DYNC2H1: variants seen among roughly 807,000 people sequenced by gnomAD.
DYNC2H1 encodes cytoplasmic dynein 2 heavy chain 1.
In DYNC2H1, 410 loss-of-function variants were observed where a neutral mutation model predicts 570.0. That is an observed-to-expected ratio of 0.72 (90% confidence interval 0.66 to 0.78). The LOEUF is 0.78. DYNC2H1 is among the 30% of genes least tolerant of loss of function. DYNC2H1 has a pLI of 0.00. For synonymous variants in DYNC2H1, 1,688 were observed against 1,677.6 expected, an observed-to-expected ratio of 1.01 and a Z score of -0.15; for missense variants, 4,865 against 5,046.4, an observed-to-expected ratio of 0.96 and a Z score of 1.09.
intron 30 of DYNC2H1, among the ~76,000 whole-genome samples, chr11:103,164,234 A>G (rs1027151662): frequency 3.3e-5 from 5 of 152,158 alleles, no homozygotes; most frequent in African/African-American, 9.7e-5. Context: ...GGAAATGACA[A>G]TTGTGTTGGG....
Position 103,187,542 on chromosome 11 carries a change from C to G in DYNC2H1, c.7096C>G (p.Leu2366Val), listed in dbSNP as rs781537391. 6.2e-7 allele frequency: 1 copy of G among 1,613,184 alleles called. No homozygotes were observed. Among genetic ancestry groups the G allele is most frequent in the Admixed American group, 1.7e-5 (1 of 59,910 alleles). Residue 2366 changes from leucine to valine, a missense_variant, in exon 43 of 89, where the codon CTT becomes GTT. This residue lies in a region of DYNC2H1 where 2,401 missense variants were observed against 2,454.6 expected (regional missense o/e 0.98). Coordinates refer to ENST00000375735, the MANE Select transcript of DYNC2H1 (RefSeq NM_001377.3). ...LYLKDINLPK[L>V]DKWGTSTLVA... ...CTTAAAAGATATCAACCTACCTAAACTTGATAAATGGGGGACCAGTACTTT... is the reference window on the plus strand; with the variant it reads ...CTTAAAAGATATCAACCTACCTAAAGTTGATAAATGGGGGACCAGTACTTT...
At position 103,239,545 on chromosome 11, in the gene DYNC2H1, G is replaced by C. The variant is rs1342407099; in HGVS notation, c.9819+3006G>C. 6.6e-6 allele frequency among the ~76,000 whole-genome samples: 1 copy of C among 151,990 alleles called. No individual in the cohort carries two copies. Among genetic ancestry groups the C allele is most frequent in the East Asian group, 1.9e-4 (1 of 5,182 alleles). ...TAGATAAGGACATTGAGGCACAGAA[G>C]AGTTAATTCACTTGTCTAAGGTCAC... On this transcript the variant is annotated intron_variant, in intron 63 of 88. Transcript: ENST00000375735. The surrounding 1 kb of genome is among the most constrained non-coding windows in gnomAD (Gnocchi z 4.3).
chr11:103,207,141 G>A (rs1465794021), intron 52 of DYNC2H1, among the ~76,000 whole-genome samples: 2 of 151,254 alleles, frequency 1.3e-5, no homozygotes, highest in East Asian at 2.0e-4. Flanking sequence ...GGCTGGTCTC[G>A]AGCTCCTGAC....
intron 75 of DYNC2H1, among the ~76,000 whole-genome samples, chr11:103,294,734 T>C (rs965177767): frequency 6.6e-6 from 1 of 151,702 alleles, no homozygotes; most frequent in Non-Finnish European, 1.5e-5. Context: ...TGACCACTAC[T>C]GCTTGGCTGT....
chr11:103,330,661 TAAAAC>T (rs1481741503), intron 82 of DYNC2H1, among the ~76,000 whole-genome samples: 1 of 151,700 alleles, frequency 6.6e-6, no homozygotes, highest in African/African-American at 2.4e-5. Flanking sequence ...CCCAAATAAA[TAAAAC>T]AGTTAAAATA....
chr11:103,215,466 G>C (rs562643995), intron 54 of DYNC2H1, among the ~76,000 whole-genome samples: 1 of 152,274 alleles, frequency 6.6e-6, no homozygotes, highest in African/African-American at 2.4e-5. Flanking sequence ...ATTTGCACAT[G>C]TGGAACCATT....
intron 17 of DYNC2H1, among the ~76,000 whole-genome samples, chr11:103,140,972 G>C (rs1329260625): frequency 6.6e-6 from 1 of 151,526 alleles, no homozygotes; most frequent in Non-Finnish European, 1.5e-5. Flanking sequence ...TCCATTGCTG[G>C]TACCCTTTCT....
intron 84 of DYNC2H1, among the ~76,000 whole-genome samples, chr11:103,410,639 A>C (rs1248831862): frequency 6.6e-6 from 1 of 152,138 alleles, no homozygotes; most frequent in Admixed American, 6.6e-5. Flanking sequence ...ATCTAACCCC[A>C]GTTTGGATCT....
intron 82 of DYNC2H1, among the ~76,000 whole-genome samples, chr11:103,343,144 G>A (rs185846833): frequency 7.8e-4 from 119 of 152,218 alleles, no homozygotes; most frequent in Non-Finnish European, 1.3e-3. Flanking sequence ...CTGTTCTTCC[G>A]GGCTGAGCCG....
intron 70 of DYNC2H1, among the ~76,000 whole-genome samples, chr11:103,274,426 A>G (rs1001936081): frequency 6.6e-6 from 1 of 152,166 alleles, no homozygotes; most frequent in Non-Finnish European, 1.5e-5. Flanking sequence ...ATTGAACAAT[A>G]TCATTAAATG....
Position 103,256,291 on chromosome 11 carries a change from G to A in DYNC2H1, c.10461+51G>A. 2.0e-6 allele frequency: 3 copies of A among 1,508,134 alleles called. No homozygotes were observed. In the South Asian group the frequency reaches 3.9e-5, roughly 19 times the overall value. 93.4% of individuals were successfully genotyped at this position (1,508,134 alleles called of 1,614,324 possible). On this transcript the variant is annotated intron_variant, in intron 68 of 88. Transcript: ENST00000375735. The surrounding 1 kb of genome is among the most constrained non-coding windows in gnomAD (Gnocchi z 4.0). Reference sequence around the variant, plus strand: ...CGTATTATGTTTTCTTGAACATTTAGGTTAATATGATAGAAAATGTAGAAT... The same window carrying A: ...CGTATTATGTTTTCTTGAACATTTAAGTTAATATGATAGAAAATGTAGAAT...
intron 75 of DYNC2H1, among the ~76,000 whole-genome samples, chr11:103,292,773 C>T (rs1222962049): frequency 6.6e-6 from 1 of 152,196 alleles, no homozygotes; most frequent in Non-Finnish European, 1.5e-5. Flanking sequence ...GCTGTTCTCA[C>T]CATGTGAGAT....
Position 103,241,621 on chromosome 11 carries a change from A to G in DYNC2H1, c.9820-2072A>G, listed in dbSNP as rs1033134818. The G allele has an allele frequency of 2.4e-6, 3 of 1,267,928 alleles. No homozygotes were observed. Among genetic ancestry groups the G allele is most frequent in the Non-Finnish European group, 3.3e-6 (3 of 905,020 alleles). The allele number at this position is 1,267,928 out of a possible 1,614,324, so 78.5% of individuals were successfully genotyped here. ...AATGCAGAATTGTGAAATGTGTGCT[A>G]TTGAATGCTAGCATAAAATTAGATC... On this transcript the variant is annotated intron_variant, in intron 63 of 88. Transcript: ENST00000375735. This position sits in a 1 kb window ranked among gnomAD's most constrained non-coding sequence, Gnocchi z 5.1.
intron 70 of DYNC2H1, among the ~76,000 whole-genome samples, chr11:103,278,339 A>G (rs188204675): frequency 2.4e-4 from 37 of 152,316 alleles, no homozygotes; most frequent in Non-Finnish European, 4.7e-4. Flanking sequence ...TTGGGCTTTT[A>G]GAGTGTCCTA....
At chr11:103,222,276 C>A in intron 58 of DYNC2H1, 123 bp downstream of exon 58, 1 of 681,240 alleles carries the variant, frequency 1.5e-6, no homozygotes, top group Non-Finnish European at 2.2e-6. Flanking sequence ...AAAAAATAAG[C>A]TTATAGGAAT....
intron 12 of DYNC2H1, among the ~76,000 whole-genome samples, chr11:103,127,204 C>G (rs984846216): frequency 2.0e-5 from 3 of 152,140 alleles, no homozygotes; most frequent in African/African-American, 7.2e-5. Flanking sequence ...AGCAGAGAGG[C>G]TTGCTTACTT....
At chr11:103,130,063 T>C (rs1377326933) in intron 13 of DYNC2H1, among the ~76,000 whole-genome samples, 1 of 152,186 alleles carries the variant, frequency 6.6e-6, no homozygotes, top group Non-Finnish European at 1.5e-5. Flanking sequence ...AAGAGTCTTC[T>C]CCCAGTGGAA....
At chr11:103,462,910 C>T (rs1945068079) in intron 87 of DYNC2H1, among the ~76,000 whole-genome samples, 1 of 152,138 alleles carries the variant, frequency 6.6e-6, no homozygotes, top group Admixed American at 6.6e-5. Flanking sequence ...AGTGTAGCGT[C>T]ATACACAAAA....
At chr11:103,187,689 T>A in intron 43 of DYNC2H1, 103 bp downstream of exon 43, 1 of 1,378,814 alleles carries the variant, frequency 7.3e-7, no homozygotes, top group Non-Finnish European at 9.8e-7. Flanking sequence ...CAGTTTTATC[T>A]AGCATTTGTC....
Sources: allele counts gnomAD v4.1 joint callset (sites outside exome capture counted in the v4.1 genomes callset), GRCh38; gene constraint gnomAD v4.1.1; regional missense constraint gnomAD v4.1.1; non-coding constraint Gnocchi (gnomAD v3.1); transcripts MANE v1.5; gene names NCBI Gene and HGNC (gene_info 2026-07-23, HGNC 2026-07-21).